The following RCOR1 variants were observed in gnomAD, a reference collection of about 807,000 sequenced individuals.
RCOR1 encodes the protein REST corepressor.
RCOR1 carries 12 observed loss-of-function variants against 64.0 expected under a neutral mutation model. The observed-to-expected ratio is 0.19, with a 90% CI of 0.12 to 0.30. The LOEUF (loss-of-function observed/expected upper bound fraction) is 0.30. Ranked by LOEUF, RCOR1 falls within the 10% of genes least tolerant of loss-of-function variation. The pLI is 1.00. For missense variants in RCOR1, 502 were observed against 621.2 expected (o/e 0.81, Z 2.04); for synonymous variants, 279 against 227.2 (o/e 1.23, Z -2.05).
Position 102,708,577 on chromosome 14 carries a change from A to G in RCOR1, c.773A>G (p.Glu258Gly). Residue 258 changes from glutamate to glycine, a missense_variant, in exon 6 of 12, where the codon GAG (glutamate) becomes GGG (glycine). Physicochemically the swap from Glu to Gly is moderately conservative, Grantham distance 98 (BLOSUM62 -2). Around this residue, in one of 2 missense-constraint regions of RCOR1, gnomAD observed 260 missense variants for 416.4 expected, o/e 0.62. Coordinates refer to ENST00000262241, the MANE Select transcript of RCOR1 (RefSeq NM_015156.4). ...GCCCGGAAACAAAAACGGGAGCGGGAGGAGAGGTGAGCACATGGCTGGGGT... is the reference window on the plus strand; with the variant it reads ...GCCCGGAAACAAAAACGGGAGCGGGGGGAGAGGTGAGCACATGGCTGGGGT... ...RHARKQKRER[E>G]ESEDELEEAN... 1 of 1,582,268 alleles carries G rather than the reference A, an allele frequency of 6.3e-7. No individual in the cohort carries two copies. The highest frequency in any genetic ancestry group is 8.7e-7 in the Non-Finnish European group (1 of 1,151,208).
chr14:102,710,966 A>G lies in RCOR1; in HGVS notation c.811A>G (p.Asn271Asp). Residue 271 changes from asparagine (N) to aspartate (D), a missense_variant, in exon 7 of 12, where the codon AAT becomes GAT. By Grantham distance (23) the Asn-to-Asp change is conservative. This residue lies in a region of RCOR1 where 260 missense variants were observed against 416.4 expected (regional missense o/e 0.62). Coordinates refer to ENST00000262241, the MANE Select transcript of RCOR1 (RefSeq NM_015156.4). ...TGAACTGGAAGAGGCAAATGGAAAC[A>G]ATCCCATTGACATTGAGGTTGATCA... ...EDELEEANGN[N>D]PIDIEVDQNK... 6.2e-7 allele frequency: 1 copy of G among 1,608,930 alleles called. No individual in the cohort carries two copies. Among genetic ancestry groups the G allele is most frequent in the Non-Finnish European group, 8.5e-7 (1 of 1,178,884 alleles).
At chr14:102,685,282 T>C (rs62007932) in intron 3 of RCOR1, among the ~76,000 whole-genome samples, 10 of 152,190 alleles carry the variant, frequency 6.6e-5, no homozygotes, top group Non-Finnish European at 1.5e-4. Context: ...GGACTTTGTT[T>C]CATCTCAGTA....
chr14:102,724,444 C>G (rs1274502081), intron 11 of RCOR1, among the ~76,000 whole-genome samples: 1 of 152,016 alleles, frequency 6.6e-6, no homozygotes, highest in Non-Finnish European at 1.5e-5. Flanking sequence ...CCTGCCTCAG[C>G]CCTCAGCCTC....
In RCOR1 at chr14:102,693,104, T is replaced by C. The variant is rs144428322; in HGVS notation, c.446-8174T>C. Among the ~76,000 whole-genome samples, 22 of 152,270 alleles carry C rather than the reference T, an allele frequency of 1.4e-4. No individual in the cohort carries two copies. The East Asian group carries it at 3.3e-3, about 23-fold the overall frequency. On this transcript the variant is annotated intron_variant, in intron 3 of 11. Transcript: ENST00000262241. ...TGAACATTTAGATGTTCTTCTTTTT[T>C]CCTCCTATAAATAACACAAGTACAC... is the stretch of plus-strand genomic sequence containing the variant.
At chr14:102,658,396 A>T (rs1894767841) in intron 2 of RCOR1, 8 of 392,866 alleles carry the variant, frequency 2.0e-5, no homozygotes, top group Non-Finnish European at 2.8e-5. Flanking sequence ...CTGAGGCATG[A>T]GAAGTGCTTG....
chr14:102,647,569 C>T (rs1032710189), intron 2 of RCOR1, among the ~76,000 whole-genome samples: 1 of 152,110 alleles, frequency 6.6e-6, no homozygotes, highest in Non-Finnish European at 1.5e-5. Context: ...TCTGGCCACC[C>T]CAGCCTCCCA....
chr14:102,596,647 C>T (rs1274705672), intron 2 of RCOR1, among the ~76,000 whole-genome samples: 1 of 151,986 alleles, frequency 6.6e-6, no homozygotes, highest in East Asian at 1.9e-4. Context: ...TCACTGCAAC[C>T]TCCACCTCCG....
At chr14:102,665,989 A>G (rs1192287041) in intron 2 of RCOR1, among the ~76,000 whole-genome samples, 1 of 152,222 alleles carries the variant, frequency 6.6e-6, no homozygotes, top group Non-Finnish European at 1.5e-5. Flanking sequence ...ACAAGAGCCT[A>G]AACTGTGATA....
intron 3 of RCOR1, 75 bp from the exon 4 acceptor site, chr14:102,701,203 T>C (rs913797245): frequency 8.5e-7 from 1 of 1,180,192 alleles, no homozygotes; most frequent in Non-Finnish European, 1.3e-6. Flanking sequence ...AATATACACG[T>C]ATATCAATTC....
rs1483726460 is a variant in RCOR1, at chr14:102,641,094, A to G, written c.362-40801A>G. Among the ~76,000 whole-genome samples, 4 of 152,026 alleles carry G rather than the reference A, an allele frequency of 2.6e-5. No individual in the cohort carries two copies. In the East Asian group the frequency reaches 7.7e-4, roughly 29 times the overall value. Reference sequence around the variant, plus strand: ...TGTTGAAACCCCATCTCTACTAAAAATACAAAAAAAATTAGCTGGGCTTGG... The same window carrying G: ...TGTTGAAACCCCATCTCTACTAAAAGTACAAAAAAAATTAGCTGGGCTTGG... On this transcript the variant is annotated intron_variant, in intron 2 of 11. Transcript: ENST00000262241.
intron 2 of RCOR1, among the ~76,000 whole-genome samples, chr14:102,658,149 A>G (rs1039342829): frequency 2.6e-5 from 4 of 151,776 alleles, no homozygotes; most frequent in African/African-American, 9.7e-5. Context: ...TAATTTTTGT[A>G]TTTTTAGTGG....
At position 102,677,599 on chromosome 14, in the gene RCOR1, G is replaced by A. The variant is rs1895211262; in HGVS notation, c.362-4296G>A. On this transcript the variant is annotated intron_variant, in intron 2 of 11. Coordinates refer to ENST00000262241, the MANE Select transcript of RCOR1 (RefSeq NM_015156.4). ...CAGAGGTGCTCCCCACATCTCAGAC[G>A]ATGGGCGGCCGGGCAGAGACGCTCC... Among the ~76,000 whole-genome samples, 5 of 122,254 alleles carry A rather than the reference G, an allele frequency of 4.1e-5. No homozygotes were observed. In the South Asian group the frequency reaches 1.3e-3, roughly 31 times the overall value. The allele number at this position is 122,254 out of a possible 152,430, so 80.2% of individuals were successfully genotyped here.
intron 6 of RCOR1, among the ~76,000 whole-genome samples, chr14:102,709,933 CG>C (rs1485349524): frequency 1.3e-5 from 2 of 152,098 alleles, no homozygotes; most frequent in Non-Finnish European, 2.9e-5. Context: ...GCATTAGTCC[CG>C]ATGGGGCCAG....
chr14:102,595,247 G>C (rs1010863951), intron 2 of RCOR1, among the ~76,000 whole-genome samples: 1 of 152,220 alleles, frequency 6.6e-6, no homozygotes, highest in Admixed American at 6.5e-5. Context: ...CACACCTGTA[G>C]TCCCAACACT....
chr14:102,622,834 T>TA (rs1420889776), intron 2 of RCOR1, among the ~76,000 whole-genome samples: 1 of 152,216 alleles, frequency 6.6e-6, no homozygotes, highest in Admixed American at 6.5e-5. Context: ...CACCTCTGAA[T>TA]GTGATGTCAT....
At chr14:102,685,519 A>T (rs1895400149) in intron 3 of RCOR1, among the ~76,000 whole-genome samples, 1 of 144,904 alleles carries the variant, frequency 6.9e-6, no homozygotes, top group Non-Finnish European at 1.5e-5. Flanking sequence ...GTTTATTCTT[A>T]TTGCCCAGGC....
At chr14:102,670,732 A>T (rs1895015452) in intron 2 of RCOR1, among the ~76,000 whole-genome samples, 1 of 126,680 alleles carries the variant, frequency 7.9e-6, no homozygotes, top group Non-Finnish European at 1.6e-5. Context: ...TCTTAAAATG[A>T]CAAGATTATT....
chr14:102,592,943 C>T lies in RCOR1; in HGVS notation c.57C>T (p.Asn19=). Residue 19 remains asparagine (N), a synonymous_variant, in exon 1 of 12, where the codon AAC becomes AAT. Transcript: ENST00000262241. ...PEVSGKRRGR[N]NAAASASAAA... Reference sequence around the variant, plus strand: ...TCTCAGGGAAGCGGAGAGGGAGGAACAACGCGGCCGCCTCCGCCTCCGCCG... The same window carrying T: ...TCTCAGGGAAGCGGAGAGGGAGGAATAACGCGGCCGCCTCCGCCTCCGCCG... The T allele has an allele frequency of 1.6e-6, 2 of 1,215,300 alleles. No homozygotes were observed. Among genetic ancestry groups the T allele is most frequent in the Non-Finnish European group, 2.1e-6 (2 of 970,416 alleles). The allele number at this position is 1,215,300 out of a possible 1,614,324, so 75.3% of individuals were successfully genotyped here. A position where few individuals can be genotyped will look rare whatever the true frequency, so the allele number is the denominator to read the frequency against.
At chr14:102,615,086 C>G (rs905553216) in intron 2 of RCOR1, among the ~76,000 whole-genome samples, 1 of 151,752 alleles carries the variant, frequency 6.6e-6, no homozygotes, top group Non-Finnish European at 1.5e-5. Context: ...CCGCCTTGGC[C>G]TCCCAAAGTG....
Sources: allele counts gnomAD v4.1 joint callset (sites outside exome capture counted in the v4.1 genomes callset), GRCh38; gene constraint gnomAD v4.1.1; regional missense constraint gnomAD v4.1.1; transcripts MANE v1.5; gene names NCBI Gene and HGNC (gene_info 2026-07-23, HGNC 2026-07-21).